The following KCNMA1 variants were observed in gnomAD, a reference collection of about 807,000 sequenced individuals.
KCNMA1 encodes Calcium-activated potassium channel subunit alpha-1.
Under a neutral mutation model 140.0 loss-of-function variants are expected in KCNMA1, and 29 were observed. That is an observed-to-expected ratio of 0.21 (90% CI 0.15 to 0.28). KCNMA1 has a LOEUF of 0.28. Among genes scored for constraint, KCNMA1 ranks in the 10% least tolerant of loss-of-function variants. KCNMA1 has a pLI of 1.00. For synonymous variants in KCNMA1, 612 were observed against 611.9 expected (o/e 1.00, Z 0.00); for missense variants, 880 against 1,602.2 (o/e 0.55, Z 7.70).
intron 10 of KCNMA1, among the ~76,000 whole-genome samples, chr10:77,087,826 C>G (rs1477529474): frequency 6.6e-6 from 1 of 152,160 alleles, no homozygotes; most frequent in Non-Finnish European, 1.5e-5. Flanking sequence ...TAAGTCAACA[C>G]TTGCCTAACA....
chr10:77,441,913 A>T (rs904214905), intron 1 of KCNMA1, among the ~76,000 whole-genome samples: 19 of 150,844 alleles, frequency 1.3e-4, no homozygotes, highest in Middle Eastern at 3.4e-3. Context: ...GTAGGATTTC[A>T]CTCCCTCCCT....
At chr10:77,225,778 T>C (rs2051168449) in intron 3 of KCNMA1, among the ~76,000 whole-genome samples, 1 of 152,190 alleles carries the variant, frequency 6.6e-6, no homozygotes, top group Non-Finnish European at 1.5e-5. Context: ...ACATGCCGAA[T>C]GGAGGAGCGT....
chr10:77,315,008 A>C (rs897007148), intron 2 of KCNMA1, among the ~76,000 whole-genome samples: 6 of 151,554 alleles, frequency 4.0e-5, no homozygotes, highest in African/African-American at 1.5e-4. Context: ...GGGATGTACT[A>C]TGATGTTTTA....
At chr10:77,549,312 G>A (rs1245427127) in intron 1 of KCNMA1, among the ~76,000 whole-genome samples, 1 of 152,190 alleles carries the variant, frequency 6.6e-6, no homozygotes, top group Non-Finnish European at 1.5e-5. Context: ...CCATTATCTT[G>A]AGGAGTAAGG....
intron 2 of KCNMA1, among the ~76,000 whole-genome samples, chr10:77,299,427 A>C (rs561887706): frequency 6.6e-6 from 1 of 152,260 alleles, no homozygotes; most frequent in South Asian, 2.1e-4. Context: ...CAGCATCTGG[A>C]TTTCCCATCT....
chr10:77,456,296 G>A (rs1364028950), intron 1 of KCNMA1, among the ~76,000 whole-genome samples: 3 of 152,118 alleles, frequency 2.0e-5, no homozygotes, highest in African/African-American at 7.2e-5. Flanking sequence ...TGGAGACCTT[G>A]GAAAGCTGGC....
rs560370820 is a variant in KCNMA1, at chr10:77,595,335, A to G, written c.378+41930T>C. On this transcript the variant is annotated intron_variant, in intron 1 of 27. Transcript: ENST00000286628. ...GCACTCCAGCCTGGGTTACAGAGCAAGACTCTGTCTCAAAAAAAAAAAAAA... is the reference window on the plus strand; with the variant it reads ...GCACTCCAGCCTGGGTTACAGAGCAGGACTCTGTCTCAAAAAAAAAAAAAA... Among the ~76,000 whole-genome samples the G allele has an allele frequency of 2.5e-3, 313 of 127,372 alleles. 7 individuals carry two copies. Among genetic ancestry groups the G allele is most frequent in the Admixed American group, 0.013 (150 of 11,484 alleles). The allele number at this position is 127,372 out of a possible 152,430, so 83.6% of individuals were successfully genotyped here.
chr10:76,975,650 T>C (rs1205357181), intron 19 of KCNMA1, among the ~76,000 whole-genome samples: 1 of 152,124 alleles, frequency 6.6e-6, no homozygotes, highest in Non-Finnish European at 1.5e-5. Context: ...CAGAGAGTAG[T>C]GGGCAGTATC....
At chr10:76,923,995 A>T (rs1282546075) in intron 23 of KCNMA1, among the ~76,000 whole-genome samples, 1 of 152,110 alleles carries the variant, frequency 6.6e-6, no homozygotes, top group Non-Finnish European at 1.5e-5. Flanking sequence ...AAAAGGTGAG[A>T]CCCTGTCTCA....
intron 20 of KCNMA1, among the ~76,000 whole-genome samples, chr10:76,965,602 C>T (rs577527146): frequency 1.2e-4 from 19 of 152,292 alleles, no homozygotes; most frequent in African/African-American, 4.3e-4. Flanking sequence ...CCATCTAGGC[C>T]ACTCCAAAGA....
At chr10:77,611,433 C>A (rs1007925711) in intron 1 of KCNMA1, among the ~76,000 whole-genome samples, 1 of 152,130 alleles carries the variant, frequency 6.6e-6, no homozygotes, top group Non-Finnish European at 1.5e-5. Flanking sequence ...ATGGAGACAT[C>A]GTTGAGCCAC....
intron 2 of KCNMA1, among the ~76,000 whole-genome samples, chr10:77,343,416 C>T (rs970443457): frequency 4.6e-5 from 7 of 152,050 alleles, no homozygotes; most frequent in Admixed American, 1.3e-4. Flanking sequence ...TGTTTGAGCC[C>T]GGGCAGTCCA....
At chr10:77,248,107 G>A (rs1183501554) in intron 3 of KCNMA1, among the ~76,000 whole-genome samples, 3 of 152,132 alleles carry the variant, frequency 2.0e-5, no homozygotes, top group Non-Finnish European at 4.4e-5. Context: ...AGCTTTAAAA[G>A]GTTAAAAAGA....
At chr10:77,544,332 T>A (rs768576583) in intron 1 of KCNMA1, among the ~76,000 whole-genome samples, 18 of 152,138 alleles carry the variant, frequency 1.2e-4, no homozygotes, top group Admixed American at 2.0e-4. Context: ...AGGAAAAAAT[T>A]CCCAAGTGGT....
intron 19 of KCNMA1, among the ~76,000 whole-genome samples, chr10:76,983,532 T>A (rs963169642): frequency 3.3e-5 from 5 of 151,984 alleles, no homozygotes; most frequent in African/African-American, 4.8e-5. Flanking sequence ...CAGTTCAAGA[T>A]CAGCCTGGCC....
At chr10:76,911,941 C>T (rs2050487693) in intron 24 of KCNMA1, 3 of 152,190 alleles carry the variant, frequency 2.0e-5, no homozygotes, top group Non-Finnish European at 4.4e-5. Flanking sequence ...CATCTGTTAC[C>T]TCTTATCAGG....
At chr10:77,482,991 TACACACACACACACACACACACACACAC>T (rs56364046) in intron 1 of KCNMA1, among the ~76,000 whole-genome samples, 3 of 126,856 alleles carry the variant, frequency 2.4e-5, no homozygotes, top group Admixed American at 8.2e-5. Context: ...CTCTCTCACA[TACACACACACACACACACACACACACAC>T]ACACACACAC....
chr10:77,100,569 A>G (rs1210729004), intron 9 of KCNMA1, among the ~76,000 whole-genome samples: 1 of 152,186 alleles, frequency 6.6e-6, no homozygotes, highest in Admixed American at 6.5e-5. Flanking sequence ...ATAAAAAGAG[A>G]CACTGGACTT....
intron 2 of KCNMA1, among the ~76,000 whole-genome samples, chr10:77,355,737 AC>A (rs2093419597): frequency 6.6e-6 from 1 of 152,252 alleles, no homozygotes; most frequent in Non-Finnish European, 1.5e-5. Context: ...ATAAGACAAT[AC>A]ATGCCCTTTA....
Sources: gnomAD v4.1 joint callset for allele counts (sites outside exome capture counted in the v4.1 genomes callset) on GRCh38, gnomAD v4.1.1 for gene constraint, MANE v1.5 for transcripts, NCBI Gene and HGNC (gene_info 2026-07-23, HGNC 2026-07-21) for gene names.